Variants in SLC2A12 observed in about 807,000 individuals in gnomAD.
SLC2A12 encodes the protein solute carrier family 2 member 12, also known as solute carrier family 2, facilitated glucose transporter member 12.
Under a neutral mutation model 41.8 loss-of-function variants are expected in SLC2A12, and 23 were observed. The ratio of observed to expected loss-of-function variants is 0.55; its 90% CI spans 0.40 to 0.78. The LOEUF (loss-of-function observed/expected upper bound fraction) is 0.78, where lower values mean the gene tolerates loss of function less well. SLC2A12 is among the 30% of genes least tolerant of loss of function. SLC2A12 has a pLI of 0.00. For missense variants in SLC2A12, 654 were observed against 745.6 expected, an observed-to-expected ratio of 0.88 and a Z score of 1.43; for synonymous variants, 295 against 285.9, an observed-to-expected ratio of 1.03 and a Z score of -0.32.
At chr6:133,995,804 A>C (rs879310117) in intron 4 of SLC2A12, among the ~76,000 whole-genome samples, 3 of 152,214 alleles carry the variant, frequency 2.0e-5, no homozygotes, top group Admixed American at 1.3e-4. Context: ...CAGCCTGCAA[A>C]GCCCTGCACA....
chr6:134,008,458 T>C (rs1776840914), intron 2 of SLC2A12, among the ~76,000 whole-genome samples: 1 of 152,170 alleles, frequency 6.6e-6, no homozygotes, highest in Non-Finnish European at 1.5e-5. Flanking sequence ...TTCTTATTAA[T>C]GGGGAATTCA....
At chr6:134,045,145 T>C (rs895511368) in intron 1 of SLC2A12, among the ~76,000 whole-genome samples, 6 of 152,212 alleles carry the variant, frequency 3.9e-5, no homozygotes, top group Admixed American at 1.3e-4. Flanking sequence ...AGAGCTCTGA[T>C]AGGTGCATGA....
intron 1 of SLC2A12, among the ~76,000 whole-genome samples, chr6:134,042,996 C>A (rs983447806): frequency 1.1e-3 from 153 of 135,180 alleles, no homozygotes; most frequent in Middle Eastern, 3.8e-3. Context: ...CAAAACAAAA[C>A]AAAAACCAAA....
chr6:134,022,539 A>AAAAG (rs1777055744), intron 2 of SLC2A12, among the ~76,000 whole-genome samples: 1 of 9,226 alleles, frequency 1.1e-4, no homozygotes, highest in Non-Finnish European at 1.8e-4. Context: ...CTCAAAAAAG[A>AAAAG]AAAGAAAAGA....
chr6:133,999,414 G>A (rs776985267), intron 4 of SLC2A12, among the ~76,000 whole-genome samples: 1 of 152,250 alleles, frequency 6.6e-6, no homozygotes, highest in Admixed American at 6.5e-5. Flanking sequence ...TCATCAAGAG[G>A]TTAGGTCTCT....
chr6:133,996,641 G>A lies in SLC2A12; in HGVS notation c.1701-5333C>T, dbSNP rs904204213. ...GACATTGGGATTTCTACATCAGGAC[G>A]GTTACCTTGGTGACAAAAGTTGATT... On this transcript the variant is annotated intron_variant, in intron 4 of 4. Coordinates refer to ENST00000275230, the MANE Select transcript of SLC2A12 (RefSeq NM_145176.3). 2.1e-4 allele frequency among the ~76,000 whole-genome samples: 32 copies of A among 152,168 alleles called. 1 individual carries two copies. Among genetic ancestry groups the A allele is most frequent in the East Asian group, 7.7e-4 (4 of 5,186 alleles).
In SLC2A12 at chr6:134,029,516, T is replaced by C; in HGVS notation, c.309A>G (p.Arg103=). The C allele has an allele frequency of 6.2e-7, 1 of 1,614,160 alleles. No individual in the cohort carries two copies. Among genetic ancestry groups the C allele is most frequent in the South Asian group, 1.1e-5 (1 of 91,082 alleles). Residue 103 remains arginine (R), a synonymous_variant, in exon 2 of 5, where the codon AGA becomes AGG. Transcript: ENST00000275230. ...AGATGATTGCTGTCCTTCTTCCATA[T>C]CTGTCTATCAGGACCCCTCCGGTGA... ...ASLTGGVLID[R]YGRRTAIILS... is the part of the protein sequence containing the mutation.
intron 2 of SLC2A12, among the ~76,000 whole-genome samples, chr6:134,012,360 C>A (rs1458447378): frequency 6.6e-6 from 1 of 152,124 alleles, no homozygotes; most frequent in South Asian, 2.1e-4. Context: ...ATGGAATAAG[C>A]CTCAATAATG....
chr6:134,042,851 C>T (rs1777401279), intron 1 of SLC2A12, among the ~76,000 whole-genome samples: 1 of 152,018 alleles, frequency 6.6e-6, no homozygotes, highest in Non-Finnish European at 1.5e-5. Flanking sequence ...CCTGTAATCC[C>T]AGCTACTTGG....
chr6:133,996,871 C>T (rs1460246478), intron 4 of SLC2A12, among the ~76,000 whole-genome samples: 1 of 151,996 alleles, frequency 6.6e-6, no homozygotes, highest in African/African-American at 2.4e-5. Context: ...AACGTATACC[C>T]TTTAGATACT....
intron 1 of SLC2A12, among the ~76,000 whole-genome samples, chr6:134,032,762 TTTGTTCTGTTTCACTGCTATATA>T (rs1777237081): frequency 7.0e-6 from 1 of 142,354 alleles, no homozygotes; most frequent in Non-Finnish European, 1.5e-5. Flanking sequence ...TGATACCACA[TTTGTTCTGTTTCACTGCTATATA>T]TATATATTAT....
At chr6:133,997,085 C>CACAAA (rs1316212200) in intron 4 of SLC2A12, among the ~76,000 whole-genome samples, 1 of 70,716 alleles carries the variant, frequency 1.4e-5, no homozygotes, top group Admixed American at 1.8e-4. Flanking sequence ...ACTAAAAATA[C>CACAAA]AAAAAAAAAA....
chr6:134,039,840 T>G (rs1777356066), intron 1 of SLC2A12, among the ~76,000 whole-genome samples: 1 of 152,052 alleles, frequency 6.6e-6, no homozygotes, highest in African/African-American at 2.4e-5. Flanking sequence ...GGTTTAAAAG[T>G]GTGTGGCCCC....
At chr6:133,993,080 C>T (rs959028223) in intron 4 of SLC2A12, among the ~76,000 whole-genome samples, 3 of 152,178 alleles carry the variant, frequency 2.0e-5, no homozygotes, top group African/African-American at 7.2e-5. Context: ...TTCCTCCAGC[C>T]TCACTGTTGG....
intron 2 of SLC2A12, among the ~76,000 whole-genome samples, chr6:134,008,154 G>A (rs1388080422): frequency 6.6e-6 from 1 of 152,152 alleles, no homozygotes; most frequent in Admixed American, 6.5e-5. Flanking sequence ...GAAGAAACTA[G>A]AAGCCAGGGA....
chr6:134,023,626 C>T (rs1281965678), intron 2 of SLC2A12, among the ~76,000 whole-genome samples: 2 of 152,110 alleles, frequency 1.3e-5, no homozygotes, highest in African/African-American at 4.8e-5. Context: ...AGCATGAAAG[C>T]CTTTATAATG....
intron 1 of SLC2A12, among the ~76,000 whole-genome samples, chr6:134,037,666 C>G (rs1441601095): frequency 6.6e-6 from 1 of 152,082 alleles, no homozygotes; most frequent in Non-Finnish European, 1.5e-5. Context: ...GCTTTACTCT[C>G]CCTTCTCTCT....
chr6:134,026,574 C>A (rs1398638981), intron 2 of SLC2A12, among the ~76,000 whole-genome samples: 1 of 152,034 alleles, frequency 6.6e-6, no homozygotes, highest in Non-Finnish European at 1.5e-5. Context: ...TAATTGAACC[C>A]CAAAGTAATG....
At chr6:134,038,258 T>C (rs1777330438) in intron 1 of SLC2A12, among the ~76,000 whole-genome samples, 1 of 152,126 alleles carries the variant, frequency 6.6e-6, no homozygotes, top group African/African-American at 2.4e-5. Flanking sequence ...GGAGACACTG[T>C]TTAAATTTGC....
Sources: gnomAD v4.1 joint callset for allele counts (sites outside exome capture counted in the v4.1 genomes callset) on GRCh38, gnomAD v4.1.1 for gene constraint, MANE v1.5 for transcripts, NCBI Gene and HGNC (gene_info 2026-07-23, HGNC 2026-07-21) for gene names.